PHF20: variants seen among roughly 807,000 people sequenced by gnomAD.
PHF20 encodes the protein glioma-expressed antigen 2.
A neutral mutation model predicts 113.5 loss-of-function variants in PHF20; 23 were observed. The ratio of observed to expected loss-of-function variants is 0.20; its 90% CI spans 0.15 to 0.29. The LOEUF is 0.29. Ranked by LOEUF, PHF20 falls within the 10% of genes least tolerant of loss-of-function variation. PHF20 has a pLI of 1.00. For missense variants in PHF20, 943 were observed against 1,219.6 expected, an observed-to-expected ratio of 0.77 and a Z score of 3.38; for synonymous variants, 434 against 457.3, an observed-to-expected ratio of 0.95 and a Z score of 0.65.
intron 17 of PHF20, among the ~76,000 whole-genome samples, chr20:35,943,423 G>A (rs1229181658): frequency 6.7e-6 from 1 of 149,768 alleles, no homozygotes. Flanking sequence ...AGGCCAAGGA[G>A]TTCAAGGTTA....
chr20:35,836,553 A>G (rs2042443187), intron 2 of PHF20, among the ~76,000 whole-genome samples: 1 of 152,102 alleles, frequency 6.6e-6, no homozygotes, highest in South Asian at 2.1e-4. Context: ...AGTTTTTTAA[A>G]CTTTTAATTT....
chr20:35,861,813 T>G, intron 5 of PHF20, among the ~76,000 whole-genome samples: 1 of 152,194 alleles, frequency 6.6e-6, no homozygotes, highest in Non-Finnish European at 1.5e-5. Context: ...AAATATTTCC[T>G]TGTTTATTAT....
At chr20:35,775,642 TA>T (rs1240222384) in intron 1 of PHF20, among the ~76,000 whole-genome samples, 1 of 148,832 alleles carries the variant, frequency 6.7e-6, no homozygotes, top group Non-Finnish European at 1.5e-5. Flanking sequence ...TAATCCCAGC[TA>T]CATGGGAGGC....
At chr20:35,817,183 G>T (rs1313005760) in intron 2 of PHF20, among the ~76,000 whole-genome samples, 2 of 149,874 alleles carry the variant, frequency 1.3e-5, no homozygotes, top group Admixed American at 6.7e-5. Context: ...TTTTATTTCC[G>T]CATTTATTTA....
At chr20:35,828,384 G>A (rs1290606375) in intron 2 of PHF20, among the ~76,000 whole-genome samples, 1 of 152,116 alleles carries the variant, frequency 6.6e-6, no homozygotes, top group East Asian at 1.9e-4. Context: ...AATTCGGAAG[G>A]AAATTGTCAT....
chr20:35,835,136 G>A (rs889764312), intron 2 of PHF20, among the ~76,000 whole-genome samples: 2 of 152,126 alleles, frequency 1.3e-5, no homozygotes, highest in African/African-American at 4.8e-5. Context: ...TTAGCTGGGT[G>A]TGGTGGCGGG....
At chr20:35,902,195 G>A (rs1396298861) in intron 10 of PHF20, among the ~76,000 whole-genome samples, 1 of 152,136 alleles carries the variant, frequency 6.6e-6, no homozygotes, top group Admixed American at 6.5e-5. Context: ...AGTATCCCAT[G>A]GGCTCTGCAG....
chr20:35,914,269 T>G, intron 12 of PHF20, 72 bp downstream of exon 12: 1 of 1,491,692 alleles, frequency 6.7e-7, no homozygotes, highest in Non-Finnish European at 9.3e-7. Flanking sequence ...TGGGAGATAT[T>G]ATGGGTTTGG....
intron 1 of PHF20, among the ~76,000 whole-genome samples, chr20:35,776,788 T>G (rs1205164217): frequency 1.3e-5 from 2 of 152,208 alleles, no homozygotes; most frequent in African/African-American, 4.8e-5. Flanking sequence ...TTCCATTTAC[T>G]GTGAGACCTC....
At chr20:35,780,408 G>A (rs1406156831) in intron 1 of PHF20, among the ~76,000 whole-genome samples, 4 of 151,120 alleles carry the variant, frequency 2.6e-5, no homozygotes, top group Non-Finnish European at 5.9e-5. Flanking sequence ...TGTATTTTTA[G>A]TAGAGACAGG....
chr20:35,849,466 TG>T (rs760337574), intron 4 of PHF20: 2 of 465,806 alleles, frequency 4.3e-6, no homozygotes, highest in African/African-American at 2.1e-5. Flanking sequence ...CAGGGCAGGA[TG>T]GTGCAGGTTA....
Position 35,881,422 on chromosome 20 carries a change from TC to T in PHF20, c.1282+9596del, listed in dbSNP as rs2054630876. On this transcript the variant is annotated intron_variant, in intron 9 of 17. Coordinates refer to ENST00000374012, the MANE Select transcript of PHF20 (RefSeq NM_016436.5). Reference sequence around the variant, plus strand: ...TGGGCATGGTGGTGTGCGCCTGTAATCCCAGCTACTTGGGAGGCTGAGGTGG... The same window carrying T: ...TGGGCATGGTGGTGTGCGCCTGTAATCCAGCTACTTGGGAGGCTGAGGTGG... Among the ~76,000 whole-genome samples the T allele has an allele frequency of 2.0e-5, 3 of 151,468 alleles. No homozygotes were observed. The South Asian group carries it at 6.2e-4, about 31-fold the overall frequency.
chr20:35,918,657 A>G (rs1160633969), intron 13 of PHF20, among the ~76,000 whole-genome samples: 1 of 152,252 alleles, frequency 6.6e-6, no homozygotes, highest in Non-Finnish European at 1.5e-5. Context: ...AAGTAATTCC[A>G]GCCAAATTTA....
intron 9 of PHF20, among the ~76,000 whole-genome samples, chr20:35,891,663 A>G (rs2054864733): frequency 6.6e-6 from 1 of 152,180 alleles, no homozygotes; most frequent in Non-Finnish European, 1.5e-5. Context: ...GGCAGCCTTT[A>G]TTGTGCATAC....
At chr20:35,888,192 G>C (rs1359401131) in intron 9 of PHF20, among the ~76,000 whole-genome samples, 1 of 152,020 alleles carries the variant, frequency 6.6e-6, no homozygotes, top group African/African-American at 2.4e-5. Flanking sequence ...TGTTGGTCAG[G>C]CTGGTCTCCA....
chr20:35,813,070 G>A (rs911672115), intron 2 of PHF20, among the ~76,000 whole-genome samples: 2 of 152,150 alleles, frequency 1.3e-5, no homozygotes, highest in Admixed American at 6.6e-5. Flanking sequence ...TCAGGTTCAC[G>A]CCATTCTCCT....
chr20:35,820,166 A>G (rs1207851700), intron 2 of PHF20, among the ~76,000 whole-genome samples: 1 of 152,162 alleles, frequency 6.6e-6, no homozygotes, highest in East Asian at 1.9e-4. Flanking sequence ...ATATATTATG[A>G]GGAGATATTT....
chr20:35,945,409 C>T (rs1469072897), intron 17 of PHF20, among the ~76,000 whole-genome samples: 1 of 152,172 alleles, frequency 6.6e-6, no homozygotes, highest in Non-Finnish European at 1.5e-5. Flanking sequence ...ATCATAGCAC[C>T]TGTAACACAA....
chr20:35,887,807 T>TAAAAAAAAAAAAAAAAAAAAAAAAAA (rs774278547), intron 9 of PHF20: 1 of 105,270 alleles, frequency 9.5e-6, no homozygotes. Flanking sequence ...AAGACTGAAT[T>TAAAAAAAAAAAAAAAAAAAAAAAAAA]AAAAAAAAAA....
Sources: gnomAD v4.1 joint callset for allele counts (sites outside exome capture counted in the v4.1 genomes callset) on GRCh38, gnomAD v4.1.1 for gene constraint, MANE v1.5 for transcripts, NCBI Gene and HGNC (gene_info 2026-07-23, HGNC 2026-07-21) for gene names.